Variants in MED20 observed in about 807,000 individuals in gnomAD.
MED20 encodes the protein mediator of RNA polymerase II transcription subunit 20.
A neutral mutation model predicts 19.7 loss-of-function variants in MED20; 19 were observed. The ratio of observed to expected loss-of-function variants is 0.96; its 90% CI spans 0.67 to 1.42. The LOEUF (loss-of-function observed/expected upper bound fraction) is 1.42, where lower values mean the gene tolerates loss of function less well. MED20 is among the 40% of genes most tolerant of loss of function. The pLI is 0.00. For synonymous variants in MED20, 105 were observed against 104.8 expected (o/e 1.00, Z -0.01); for missense variants, 225 against 273.0 (o/e 0.82, Z 1.24).
chr6:41,911,599 C>T (rs891916365), intron 2 of MED20, among the ~76,000 whole-genome samples: 1 of 152,102 alleles, frequency 6.6e-6, no homozygotes, highest in Non-Finnish European at 1.5e-5. Flanking sequence ...AGGATTTGAA[C>T]TGCAATATGA....
intron 2 of MED20, among the ~76,000 whole-genome samples, chr6:41,912,199 C>CTTTT (rs887419565): frequency 3.2e-4 from 38 of 119,270 alleles, no homozygotes; most frequent in Middle Eastern, 4.2e-3. Flanking sequence ...CCATGCCCAC[C>CTTTT]TTTTTTTTTT....
intron 2 of MED20, among the ~76,000 whole-genome samples, chr6:41,911,666 AGT>A (rs1397939482): frequency 6.6e-6 from 1 of 152,146 alleles, no homozygotes; most frequent in African/African-American, 2.4e-5. Flanking sequence ...CGGGGGTAAG[AGT>A]GTGCAACTGA....
At chr6:41,915,789 A>AACACACACACACACGCACAC (rs34924867) in intron 2 of MED20, among the ~76,000 whole-genome samples, 1 of 148,592 alleles carries the variant, frequency 6.7e-6, no homozygotes, top group African/African-American at 2.5e-5. Context: ...TCCGTCTCAA[A>AACACACACACACACGCACAC]ACACACACAC....
rs1229202493 is a variant in MED20, at chr6:41,905,963, T to TA, written c.*1108dup. The TA allele has an allele frequency of 6.6e-6, 1 of 152,204 alleles. No individual in the cohort carries two copies. Among genetic ancestry groups the TA allele is most frequent in the Admixed American group, 6.5e-5 (1 of 15,278 alleles). The allele number at this position is 152,204 out of a possible 1,614,324, so 9.4% of individuals were successfully genotyped here. ...TCAGCCCTTCTCTCAAGTCAACTCA[T>TA]AAACAAATGCTTTAGTTACAGGAGG... On this transcript the variant is annotated 3_prime_UTR_variant, in exon 4 of 4. Coordinates refer to ENST00000265350, the MANE Select transcript of MED20 (RefSeq NM_004275.5).
chr6:41,917,761 G>A (rs1208128459), intron 1 of MED20: 1 of 471,182 alleles, frequency 2.1e-6, no homozygotes, highest in African/African-American at 2.0e-5. Flanking sequence ...CTACATCAAG[G>A]GAAAAGTCTC....
intron 2 of MED20, among the ~76,000 whole-genome samples, chr6:41,913,893 C>T (rs917469019): frequency 6.6e-5 from 10 of 151,770 alleles, no homozygotes; most frequent in African/African-American, 2.4e-4. Context: ...AACAAAACTC[C>T]GTCTCAAAAA....
At chr6:41,918,734 T>C (rs981756498) in intron 1 of MED20, among the ~76,000 whole-genome samples, 1 of 144,228 alleles carries the variant, frequency 6.9e-6, no homozygotes, top group Non-Finnish European at 1.5e-5. Flanking sequence ...GATCATGAGG[T>C]CAGGAGATCG....
At chr6:41,915,789 A>AAAACACACACACACACACAC (rs1554151616) in intron 2 of MED20, among the ~76,000 whole-genome samples, 1 of 148,592 alleles carries the variant, frequency 6.7e-6, no homozygotes, top group Non-Finnish European at 1.5e-5. Context: ...TCCGTCTCAA[A>AAAACACACACACACACACAC]ACACACACAC....
At chr6:41,915,048 T>C (rs1459836232) in intron 2 of MED20, among the ~76,000 whole-genome samples, 1 of 152,240 alleles carries the variant, frequency 6.6e-6, no homozygotes, top group Non-Finnish European at 1.5e-5. Flanking sequence ...TCTGGAACTC[T>C]AACAAGTATC....
At chr6:41,909,987 T>C (rs948225171) in intron 2 of MED20, among the ~76,000 whole-genome samples, 2 of 152,142 alleles carry the variant, frequency 1.3e-5, no homozygotes, top group Non-Finnish European at 2.9e-5. Flanking sequence ...CTCCTCCCTC[T>C]TTGAGATCTA....
In MED20 at chr6:41,916,695, TTAGCAGAAAAGCA is replaced by T. The variant is rs2127380080; in HGVS notation, c.169+77_169+89del. On this transcript the variant is annotated intron_variant, in intron 2 of 3. Coordinates refer to ENST00000265350, the MANE Select transcript of MED20 (RefSeq NM_004275.5). ...CGCCACATGTTTAAGAATACCACCT[TTAGCAGAAAAGCA>T]GAAAGACTTCAATTAACTCAAATGT... The T allele has an allele frequency of 2.0e-6, 3 of 1,508,616 alleles. No homozygotes were observed. The East Asian group carries it at 6.8e-5, about 34-fold the overall frequency. 93.5% of individuals were successfully genotyped at this position (1,508,616 alleles called of 1,614,324 possible).
intron 2 of MED20, among the ~76,000 whole-genome samples, chr6:41,915,778 C>G (rs1775299788): frequency 2.4e-5 from 1 of 42,476 alleles, no homozygotes; most frequent in South Asian, 6.1e-4. Context: ...CAGAGCCAGA[C>G]TCCGTCTCAA....
In MED20 at chr6:41,921,103, A is replaced by G. The variant is rs1582068059; in HGVS notation, c.-85T>C. On this transcript the variant is annotated 5_prime_UTR_variant, in exon 1 of 4. Coordinates refer to ENST00000265350, the MANE Select transcript of MED20 (RefSeq NM_004275.5). Reference sequence around the variant, plus strand: ...CCACAGAAACTCCTTCAGTTCCCCAACACAACCTTCTGTCTCAGAAGGGAC... The same window carrying G: ...CCACAGAAACTCCTTCAGTTCCCCAGCACAACCTTCTGTCTCAGAAGGGAC... The G allele has an allele frequency of 6.4e-7, 1 of 1,553,206 alleles. No individual in the cohort carries two copies. The highest frequency in any genetic ancestry group is 1.4e-5 in the African/African-American group (1 of 72,726).
At chr6:41,917,862 G>A (rs1486919593) in intron 1 of MED20, 2 of 446,930 alleles carry the variant, frequency 4.5e-6, no homozygotes, top group East Asian at 1.5e-4. Context: ...CTAGTGTATT[G>A]GACACTGTTG....
rs1464427989 is a variant in MED20, at chr6:41,907,435, T to C, written c.424-148A>G. On this transcript the variant is annotated intron_variant, in intron 3 of 3. Coordinates refer to ENST00000265350, the MANE Select transcript of MED20 (RefSeq NM_004275.5). Reference sequence around the variant, plus strand: ...GCACAGTATTGGTCCACAGGAAACATTCAACCTAAACACTGGGCTCAATAC... The same window carrying C: ...GCACAGTATTGGTCCACAGGAAACACTCAACCTAAACACTGGGCTCAATAC... The C allele has an allele frequency of 2.4e-5, 18 of 735,748 alleles. No homozygotes were observed. In the Admixed American group the frequency reaches 2.5e-4, roughly 10 times the overall value. The allele number at this position is 735,748 out of a possible 1,614,324, so 45.6% of individuals were successfully genotyped here.
intron 1 of MED20, 104 bp from the exon 2 acceptor site, chr6:41,917,043 T>C (rs1006770115): frequency 1.0e-5 from 12 of 1,198,056 alleles, no homozygotes; most frequent in Admixed American, 2.0e-5. Flanking sequence ...CCAAAAGTTA[T>C]CTTGGAAATT....
chr6:41,909,873 T>A (rs756192127), intron 2 of MED20, among the ~76,000 whole-genome samples: 1 of 152,228 alleles, frequency 6.6e-6, no homozygotes, highest in Non-Finnish European at 1.5e-5. Flanking sequence ...TATAATCTTT[T>A]GTATATTATC....
chr6:41,920,783 C>CAA (rs1416740216), intron 1 of MED20: 3 of 501,070 alleles, frequency 6.0e-6, no homozygotes, highest in East Asian at 3.6e-5. Context: ...AAAAACAAAA[C>CAA]AAAACAAAAA....
intron 2 of MED20, among the ~76,000 whole-genome samples, chr6:41,913,492 A>C (rs1775245710): frequency 6.6e-6 from 1 of 152,232 alleles, no homozygotes; most frequent in South Asian, 2.1e-4. Flanking sequence ...TTTTGTAATT[A>C]TCTCTTGATT....
Sources: allele counts gnomAD v4.1 joint callset (sites outside exome capture counted in the v4.1 genomes callset), GRCh38; gene constraint gnomAD v4.1.1; transcripts MANE v1.5; gene names NCBI Gene and HGNC (gene_info 2026-07-23, HGNC 2026-07-21).